Variants in TMED3 observed in about 807,000 individuals in gnomAD.
TMED3 encodes the protein transmembrane p24 trafficking protein 3.
A neutral mutation model predicts 15.0 loss-of-function variants in TMED3; 9 were observed. The ratio of observed to expected loss-of-function variants is 0.60; its 90% CI spans 0.36 to 1.04. The LOEUF (loss-of-function observed/expected upper bound fraction) is 1.04, where lower values mean the gene tolerates loss of function less well. TMED3 is among the 50% of genes least tolerant of loss of function. The pLI, the probability that TMED3 is intolerant of heterozygous loss-of-function variation, is 0.01. For synonymous variants in TMED3, 117 were observed against 121.4 expected (o/e 0.96, Z 0.24); for missense variants, 267 against 278.9 (o/e 0.96, Z 0.30).
intron 2 of TMED3, among the ~76,000 whole-genome samples, chr15:79,388,303 A>T (rs1167495229): frequency 1.3e-5 from 2 of 152,174 alleles, no homozygotes; most frequent in African/African-American, 4.8e-5. Flanking sequence ...CAAGTATACT[A>T]AGAGCTTATC....
intron 2 of TMED3, among the ~76,000 whole-genome samples, chr15:79,333,645 C>T (rs2058817473): frequency 2.6e-5 from 4 of 152,182 alleles, no homozygotes; most frequent in Admixed American, 2.6e-4. Flanking sequence ...CGTTCAAGAA[C>T]TTGATAAGAC....
chr15:79,359,238 T>G (rs112609331), intron 2 of TMED3, among the ~76,000 whole-genome samples: 1,505 of 150,002 alleles, frequency 0.01, 19 homozygotes, highest in African/African-American at 0.035. Context: ...CAGTTTTTTT[T>G]TTTTTTTTTT....
Position 79,352,677 on chromosome 15 carries a change from T to A in TMED3, c.417+38672T>A, listed in dbSNP as rs866819573. Among the ~76,000 whole-genome samples, 1,226 of 137,674 alleles carry A rather than the reference T, an allele frequency of 8.9e-3. 14 individuals are homozygous for A. Among genetic ancestry groups the A allele is most frequent in the African/African-American group, 0.031 (1,131 of 36,740 alleles). 90.3% of individuals were successfully genotyped at this position (137,674 alleles called of 152,430 possible). A position where few individuals can be genotyped will look rare whatever the true frequency, so the allele number is the denominator to read the frequency against. ...GTCATTAACTAAGAAAAAAAAAATA[T>A]ATATATATATGTAACTGAATATATA... On this transcript the variant is annotated intron_variant, in intron 2 of 2. Transcript: ENST00000424155.
chr15:79,318,397 A>G (rs2058750187), intron 2 of TMED3, among the ~76,000 whole-genome samples: 1 of 152,190 alleles, frequency 6.6e-6, no homozygotes, highest in African/African-American at 2.4e-5. Flanking sequence ...AAATGTTTGA[A>G]TGAAGGAATT....
At chr15:79,350,947 C>T (rs2058889159) in intron 2 of TMED3, among the ~76,000 whole-genome samples, 1 of 152,130 alleles carries the variant, frequency 6.6e-6, no homozygotes, top group African/African-American at 2.4e-5. Context: ...ACAGCAGGCA[C>T]CTGGTCAAAT....
chr15:79,344,166 T>A (rs1567028269), intron 2 of TMED3, among the ~76,000 whole-genome samples: 1 of 152,148 alleles, frequency 6.6e-6, no homozygotes, highest in Non-Finnish European at 1.5e-5. Context: ...AGGGAGCAGC[T>A]GGAAAGACAG....
chr15:79,364,021 A>G (rs1412792843), intron 2 of TMED3, among the ~76,000 whole-genome samples: 1 of 152,230 alleles, frequency 6.6e-6, no homozygotes, highest in Non-Finnish European at 1.5e-5. Flanking sequence ...AGCTAGGTCC[A>G]GGTTCTTGTC....
At chr15:79,363,503 CA>C (rs10676974) in intron 2 of TMED3, among the ~76,000 whole-genome samples, 2,452 of 125,288 alleles carry the variant, frequency 0.02, 73 homozygotes, top group East Asian at 0.11. Flanking sequence ...TACAATGACT[CA>C]AAAAAAAAAA....
chr15:79,311,373 C>T lies in TMED3; in HGVS notation c.124C>T (p.His42Tyr), dbSNP rs1567020360. ...GCCGGACAACGCCAAGCAGTGCTTC[C>T]ACGAGGAGGTGGAGCAGGGCGTGAA... ...ELPDNAKQCF[H>Y]EEVEQGVKFS... The change falls in exon 1 of 3, where the codon CAC becomes TAC. Residue 42 changes from histidine (H) to tyrosine (Y), a missense_variant. By Grantham distance (83) the His-to-Tyr change is moderately conservative (BLOSUM62 2). This residue lies in a region of TMED3 where 69 missense variants were observed against 106.8 expected (regional missense o/e 0.65). Transcript: ENST00000299705. The T allele has an allele frequency of 6.2e-7, 1 of 1,612,210 alleles. No individual in the cohort carries two copies. The highest frequency in any genetic ancestry group is 8.5e-7 in the Non-Finnish European group (1 of 1,179,488).
At chr15:79,378,966 A>C (rs931369700) in intron 2 of TMED3, among the ~76,000 whole-genome samples, 2 of 152,242 alleles carry the variant, frequency 1.3e-5, no homozygotes, top group African/African-American at 2.4e-5. Context: ...TATCATTATC[A>C]GTTGATGACG....
At chr15:79,388,232 T>C (rs1263996975) in intron 2 of TMED3, among the ~76,000 whole-genome samples, 1 of 152,176 alleles carries the variant, frequency 6.6e-6, no homozygotes, top group Non-Finnish European at 1.5e-5. Flanking sequence ...GCCTTTTCTT[T>C]CTTTTTGGTC....
intron 2 of TMED3, among the ~76,000 whole-genome samples, chr15:79,348,594 T>C (rs2058879776): frequency 2.0e-5 from 3 of 152,188 alleles, no homozygotes; most frequent in African/African-American, 2.4e-5. Flanking sequence ...CAAAATACAC[T>C]GTTAGGTGAA....
intron 2 of TMED3, among the ~76,000 whole-genome samples, chr15:79,330,131 G>C (rs1231575993): frequency 6.6e-6 from 1 of 152,112 alleles, no homozygotes; most frequent in African/African-American, 2.4e-5. Context: ...CTAAGAACTG[G>C]AACAGGACAA....
chr15:79,410,874 C>T (rs1337629929), intron 2 of TMED3, among the ~76,000 whole-genome samples: 2 of 152,116 alleles, frequency 1.3e-5, no homozygotes, highest in African/African-American at 4.8e-5. Context: ...AGAAACATGT[C>T]CTGCCTTTTT....
chr15:79,361,991 A>G (rs1345316532), intron 2 of TMED3, among the ~76,000 whole-genome samples: 1 of 152,202 alleles, frequency 6.6e-6, no homozygotes, highest in African/African-American at 2.4e-5. Context: ...TTTAGGGTCT[A>G]TAAGAAGAAT....
chr15:79,327,762 G>A (rs938129983), downstream of TMED3, among the ~76,000 whole-genome samples: 2 of 152,176 alleles, frequency 1.3e-5, no homozygotes, highest in Non-Finnish European at 2.9e-5. Context: ...ACTTCTTGTT[G>A]GAACTGGCAA....
At chr15:79,323,768 C>A (rs2141219392), downstream of TMED3, among the ~76,000 whole-genome samples, 1 of 152,268 alleles carries the variant, frequency 6.6e-6, no homozygotes, top group East Asian at 1.9e-4. Flanking sequence ...AAACTAGGTT[C>A]TTTCAACCTT....
intron 2 of TMED3, among the ~76,000 whole-genome samples, chr15:79,387,314 C>G (rs1893638786): frequency 6.6e-6 from 1 of 152,076 alleles, no homozygotes; most frequent in Admixed American, 6.5e-5. Context: ...TTATATGTCC[C>G]CCTCTGCTTT....
intron 2 of TMED3, chr15:79,383,630 A>C: frequency 6.6e-6 from 1 of 152,308 alleles, no homozygotes; most frequent in South Asian, 2.1e-4. Context: ...CAACTAGGGA[A>C]GTTCACTTGA....
Sources: gnomAD v4.1 joint callset for allele counts (sites outside exome capture counted in the v4.1 genomes callset) on GRCh38, gnomAD v4.1.1 for gene constraint, gnomAD v4.1.1 regional missense constraint, MANE v1.5 for transcripts, NCBI Gene and HGNC (gene_info 2026-07-23, HGNC 2026-07-21) for gene names.